The following TRIM49B variants were observed in gnomAD, a reference collection of about 807,000 sequenced individuals.
TRIM49B encodes tripartite motif containing 49B.
Under a neutral mutation model 31.8 loss-of-function variants are expected in TRIM49B, and 18 were observed. The observed-to-expected ratio is 0.57, with a 90% CI of 0.39 to 0.84. TRIM49B has a LOEUF of 0.84. TRIM49B is among the 40% of genes least tolerant of loss of function. The pLI is 0.00. For synonymous variants in TRIM49B, 196 were observed against 180.6 expected (o/e 1.09, Z -0.68); for missense variants, 494 against 538.7 (o/e 0.92, Z 0.82).
chr11:49,036,080 CA>C (rs10700622), intron 5 of TRIM49B, among the ~76,000 whole-genome samples: 1 of 149,966 alleles, frequency 6.7e-6, no homozygotes, highest in Admixed American at 6.6e-5. Flanking sequence ...ACATTTGGGG[CA>C]AAAAAAAAGA....
intron 4 of TRIM49B, among the ~76,000 whole-genome samples, chr11:49,034,627 T>G (rs1854496990): frequency 6.6e-6 from 1 of 152,000 alleles, no homozygotes; most frequent in Non-Finnish European, 1.5e-5. Context: ...CAAGAAATAT[T>G]CCCCATCTAA....
At chr11:49,036,431 A>G (rs1854531956) in intron 6 of TRIM49B, 33 bp downstream of exon 6, 2 of 1,118,494 alleles carry the variant, frequency 1.8e-6, no homozygotes, top group South Asian at 1.4e-5. Flanking sequence ...CACTCCCACT[A>G]TCTAAATATT....
chr11:49,032,163 A>C, intron 2 of TRIM49B, 113 bp from the exon 3 acceptor site: 1 of 1,600,328 alleles, frequency 6.2e-7, no homozygotes, highest in South Asian at 1.1e-5. Flanking sequence ...TTTGACAAAC[A>C]TGAAGGGAAA....
chr11:49,029,023 TA>T (rs1373927305), intron 1 of TRIM49B, 48 bp downstream of exon 1: 1 of 151,318 alleles, frequency 6.6e-6, no homozygotes, highest in Non-Finnish European at 1.5e-5. Flanking sequence ...CTTTACACAA[TA>T]ATAAATTAGA....
intron 5 of TRIM49B, among the ~76,000 whole-genome samples, chr11:49,035,474 C>T (rs951639076): frequency 4.0e-5 from 6 of 150,538 alleles, no homozygotes; most frequent in Admixed American, 6.7e-5. Context: ...ATTCCCCTGC[C>T]TCAGCCTCCC....
At position 49,038,013 on chromosome 11, in the gene TRIM49B, G is replaced by A. The variant is rs776761692; in HGVS notation, c.*36G>A. The A allele has an allele frequency of 1.3e-5, 21 of 1,585,276 alleles. No homozygotes were observed. The highest frequency in any genetic ancestry group is 1.8e-5 in the Admixed American group (1 of 56,042). ...ATCAGAAATGTGTTCACATGCTGTG[G>A]GAACCCCTTTATCCCAGGAAGTCCT... On this transcript the variant is annotated 3_prime_UTR_variant, in exon 7 of 7. Transcript: ENST00000332682.
Position 49,032,496 on chromosome 11 carries a change from A to T in TRIM49B, c.507+125A>T. The stretch of plus-strand genomic sequence containing the variant: ...TTCAGTAAAAAAAAAAGAAAAAAAA[A>T]GCGAGAGAAAACATTGAGAAAAAGT... On this transcript the variant is annotated intron_variant, in intron 3 of 6. Transcript: ENST00000332682. 8 of 1,527,670 alleles carry T rather than the reference A, an allele frequency of 5.2e-6. 1 individual carries two copies. The South Asian group carries it at 1.0e-4, about 19-fold the overall frequency. 94.6% of individuals were successfully genotyped at this position (1,527,670 alleles called of 1,614,324 possible). A position where few individuals can be genotyped will look rare whatever the true frequency, so the allele number is the denominator to read the frequency against.
intron 5 of TRIM49B, 116 bp downstream of exon 5, chr11:49,035,233 A>T: frequency 6.5e-7 from 1 of 1,526,748 alleles, no homozygotes. Context: ...TATTGATACC[A>T]CTTTTTTTTT....
chr11:49,030,439 A>C (rs1379107845), intron 1 of TRIM49B, among the ~76,000 whole-genome samples: 2 of 152,226 alleles, frequency 1.3e-5, no homozygotes, highest in Admixed American at 1.3e-4. Flanking sequence ...AGAATTCATC[A>C]GGAAAATTAA....
chr11:49,036,506 A>T, intron 6 of TRIM49B, 108 bp downstream of exon 6: 2 of 681,946 alleles, frequency 2.9e-6, no homozygotes, highest in South Asian at 4.0e-5. Context: ...CTTTTAAGAC[A>T]TAAGTGAACA....
rs1412407407 is a variant in TRIM49B at position 49,028,837 on chromosome 11, GAGA to G, written c.-140_-138del. On this transcript the variant is annotated 5_prime_UTR_variant, in exon 1 of 7. Coordinates refer to ENST00000332682, the MANE Select transcript of TRIM49B (RefSeq NM_001206626.2). ...GAGACAAGCTCAGTTTTCTCTGAAG[GAGA>G]AGGACTGCACTTAGAACTGCATTTT... The G allele has an allele frequency of 1.3e-5, 2 of 157,850 alleles. No individual in the cohort carries two copies. The highest frequency in any genetic ancestry group is 2.9e-5 in the Non-Finnish European group (2 of 68,060). 9.8% of individuals were successfully genotyped at this position (157,850 alleles called of 1,614,324 possible). A position where few individuals can be genotyped will look rare whatever the true frequency, so the allele number is the denominator to read the frequency against.
chr11:49,037,844 T>G lies in TRIM49B; in HGVS notation c.1226T>G (p.Val409Gly). The G allele has an allele frequency of 6.2e-7, 1 of 1,613,922 alleles. No individual in the cohort carries two copies. The highest frequency in any genetic ancestry group is 2.2e-5 in the East Asian group (1 of 44,880). ...TATATCCCAAGACCTACCAGCCGAG[T>G]AGGATTATTCCTGGATTGTGAGGCT... ...LQYIPRPTSR[V>G]GLFLDCEAKT... Residue 409 changes from valine (V) to glycine (G), a missense_variant, in exon 7 of 7, where the codon GTA (valine) becomes GGA (glycine). Around this residue, in one of 3 missense-constraint regions of TRIM49B, gnomAD observed 233 missense variants for 281.4 expected, o/e 0.83. Coordinates refer to ENST00000332682, the MANE Select transcript of TRIM49B (RefSeq NM_001206626.2).
chr11:49,035,369 TTTTTTTTTG>T (rs1854512392), intron 5 of TRIM49B, among the ~76,000 whole-genome samples: 1 of 59,094 alleles, frequency 1.7e-5, no homozygotes. Flanking sequence ...TTTTTTTTTT[TTTTTTTTTG>T]AGACGGTGTC....
chr11:49,030,115 C>T (rs1457476575), intron 1 of TRIM49B, among the ~76,000 whole-genome samples: 3 of 152,156 alleles, frequency 2.0e-5, no homozygotes, highest in Admixed American at 6.5e-5. Context: ...GGGCAGATAA[C>T]CTGAGGCCAG....
chr11:49,032,408 A>G (rs2134697049), intron 3 of TRIM49B, 37 bp downstream of exon 3: 2 of 1,611,494 alleles, frequency 1.2e-6, no homozygotes, highest in Non-Finnish European at 1.7e-6. Flanking sequence ...CCAGGAACTT[A>G]TGGTGGGCAA....
chr11:49,036,185 T>G (rs1854527381), intron 5 of TRIM49B, 116 bp from the exon 6 acceptor site: 2 of 1,533,868 alleles, frequency 1.3e-6, no homozygotes. Context: ...GAATAATTTT[T>G]GAATTATCAA....
intron 3 of TRIM49B, among the ~76,000 whole-genome samples, chr11:49,032,685 A>T (rs1027905054): frequency 2.6e-4 from 39 of 151,914 alleles, no homozygotes; most frequent in African/African-American, 9.2e-4. Flanking sequence ...TGCTGGTTGG[A>T]TAAATGTTAG....
At chr11:49,030,722 CACAA>C in intron 1 of TRIM49B, among the ~76,000 whole-genome samples, 1 of 152,280 alleles carries the variant, frequency 6.6e-6, no homozygotes, top group East Asian at 1.9e-4. Flanking sequence ...CAGACTCACC[CACAA>C]ACAATGCTTC....
At chr11:49,032,078 G>A (rs1331826424) in intron 2 of TRIM49B, 68 bp downstream of exon 2, 1 of 1,610,228 alleles carries the variant, frequency 6.2e-7, no homozygotes, top group African/African-American at 1.3e-5. Flanking sequence ...CTATTTTCTT[G>A]GAGATTGGAT....
Sources: gnomAD v4.1 joint callset for allele counts (sites outside exome capture counted in the v4.1 genomes callset) on GRCh38, gnomAD v4.1.1 for gene constraint, gnomAD v4.1.1 regional missense constraint, MANE v1.5 for transcripts, NCBI Gene and HGNC (gene_info 2026-07-23, HGNC 2026-07-21) for gene names.